Variants in SYTL2 observed in about 807,000 individuals in gnomAD.
SYTL2 encodes the protein synaptotagmin like 2.
A neutral mutation model predicts 198.7 loss-of-function variants in SYTL2; 165 were observed. That is an observed-to-expected ratio of 0.83 (90% confidence interval 0.73 to 0.94). The LOEUF (loss-of-function observed/expected upper bound fraction) is 0.94, where lower values mean the gene tolerates loss of function less well. SYTL2 is among the 40% of genes least tolerant of loss of function. The pLI is 0.00. For synonymous variants in SYTL2, 966 were observed against 917.7 expected (o/e 1.05, Z -0.95); for missense variants, 2,835 against 2,582.8 (o/e 1.10, Z -2.12).
rs1449472692 is a variant in SYTL2, at chr11:85,726,754, G to A, written c.2604C>T (p.Leu868=). ...ATTTATTTGAGGAATAAGAATTGGA[G>A]AGCTGGGATGCTTGATCATCCTCAT... is the stretch of plus-strand genomic sequence containing the variant. ...VLDEDDQASQ[L]SNSYSSNKSK... Residue 868 remains leucine, a synonymous_variant, in exon 8 of 20, where the codon CTC becomes CTT. Coordinates refer to ENST00000359152, the MANE Select transcript of SYTL2 (RefSeq NM_206927.4). The A allele has an allele frequency of 6.5e-7, 1 of 1,536,114 alleles. No individual in the cohort carries two copies. Among genetic ancestry groups the A allele is most frequent in the Admixed American group, 2.0e-5 (1 of 51,000 alleles).
chr11:85,823,911 G>A, the SYTL2 span, among the ~76,000 whole-genome samples: 1 of 152,184 alleles, frequency 6.6e-6, no homozygotes, highest in Non-Finnish European at 1.5e-5. Flanking sequence ...TAGTCAGGTT[G>A]AACTTCCATC....
the SYTL2 span, among the ~76,000 whole-genome samples, chr11:85,848,372 A>G: frequency 1.3e-5 from 2 of 151,910 alleles, no homozygotes; most frequent in South Asian, 2.1e-4. Context: ...TGTGTCCTAT[A>G]TAACACTTGG....
chr11:85,815,047 G>C (rs923467233), upstream of SYTL2, among the ~76,000 whole-genome samples: 3 of 152,066 alleles, frequency 2.0e-5, no homozygotes, highest in African/African-American at 4.8e-5. Context: ...TCTTTCTCTT[G>C]TATTTCTTCT....
In SYTL2 at chr11:85,700,515, C is replaced by A. The variant is rs1169185419; in HGVS notation, c.6268G>T (p.Gly2090Cys). The change falls in exon 17 of 20, where the codon GGT (glycine) becomes TGT (cysteine). Residue 2090 changes from glycine (G) to cysteine (C), a missense_variant and splice_region_variant. By Grantham distance (159) the Gly-to-Cys change is radical. Coordinates refer to ENST00000359152, the MANE Select transcript of SYTL2 (RefSeq NM_206927.4). ...ATCTGAATAGAAAGTCATTACATACCAGGGACTGGCTCTGGGACATACTGG... is the reference window on the plus strand; with the variant it reads ...ATCTGAATAGAAAGTCATTACATACAAGGGACTGGCTCTGGGACATACTGG... ...ALQYVPEPVP[G>C]KKLPTTGEVH... 1 of 1,611,108 alleles carries A rather than the reference C, an allele frequency of 6.2e-7. No individual in the cohort carries two copies. The highest frequency in any genetic ancestry group is 1.7e-5 in the Admixed American group (1 of 59,986).
Position 85,725,356 on chromosome 11 carries a change from G to T in SYTL2, c.4002C>A (p.Pro1334=). ...VASPPQDMLF[P]QDAHLVPQAR... ...CCTGGGGAACAAGATGAGCATCCTG[G>T]GGAAAAAGCATATCTTGGGGAGGGC... is the stretch of plus-strand genomic sequence containing the variant. Residue 1334 remains proline, a synonymous_variant, in exon 8 of 20, where the codon CCC becomes CCA. Coordinates refer to ENST00000359152, the MANE Select transcript of SYTL2 (RefSeq NM_206927.4). 1 of 1,613,804 alleles carries T rather than the reference G, an allele frequency of 6.2e-7. No individual in the cohort carries two copies. Among genetic ancestry groups the T allele is most frequent in the Non-Finnish European group, 8.5e-7 (1 of 1,179,914 alleles).
intron 1 of SYTL2, among the ~76,000 whole-genome samples, chr11:85,790,637 C>T (rs185016618): frequency 9.1e-4 from 138 of 152,336 alleles, no homozygotes; most frequent in African/African-American, 3.2e-3. Flanking sequence ...CTCCCAGTAG[C>T]TTCCCATGAT....
At chr11:85,709,218 A>T (rs2085804763) in intron 14 of SYTL2, 113 bp downstream of exon 14, 3 of 992,200 alleles carry the variant, frequency 3.0e-6, no homozygotes, top group South Asian at 3.2e-5. Context: ...CTTTTCAAAC[A>T]TTCCTCTTAA....
intron 1 of SYTL2, among the ~76,000 whole-genome samples, chr11:85,806,726 T>C (rs1250485844): frequency 6.6e-6 from 1 of 152,236 alleles, no homozygotes; most frequent in East Asian, 1.9e-4. Context: ...CATATCTCAT[T>C]CATCTGGATG....
upstream of SYTL2, among the ~76,000 whole-genome samples, chr11:85,813,639 T>C (rs143117055): frequency 6.4e-4 from 97 of 152,296 alleles, 1 homozygote; most frequent in East Asian, 0.014. Flanking sequence ...CTGGTTGACT[T>C]TGGACAAGTC....
At chr11:85,845,871 G>A in the SYTL2 span, among the ~76,000 whole-genome samples, 5 of 152,110 alleles carry the variant, frequency 3.3e-5, no homozygotes, top group South Asian at 2.1e-4. Context: ...AGCCAAGATC[G>A]TGCCACTGCA....
At chr11:85,742,508 C>T (rs1272522906) in intron 4 of SYTL2, among the ~76,000 whole-genome samples, 1 of 152,188 alleles carries the variant, frequency 6.6e-6, no homozygotes, top group Admixed American at 6.5e-5. Context: ...AATGTGCTAT[C>T]AGCATATGGT....
Position 85,726,452 on chromosome 11 carries a change from T to A in SYTL2, c.2906A>T (p.Asp969Val). Residue 969 changes from aspartate (D) to valine (V), a missense_variant, in exon 8 of 20, where the codon GAT (aspartate) becomes GTT (valine). By Grantham distance (152) the Asp-to-Val change is radical (BLOSUM62 -3). This residue lies in a region of SYTL2 where 2,645 missense variants were observed against 2,381.7 expected (regional missense o/e 1.11). Coordinates refer to ENST00000359152, the MANE Select transcript of SYTL2 (RefSeq NM_206927.4). ...FKVMSLKERM[D>V]EPNAEQVYNP... ...ATAGACCTGTTCTGCATTGGGTTCA[T>A]CCATTCTTTCTTTTAGGGACATAAC... 6.2e-7 allele frequency: 1 copy of A among 1,613,250 alleles called. No individual in the cohort carries two copies. The highest frequency in any genetic ancestry group is 1.1e-5 in the South Asian group (1 of 90,980).
Position 85,696,342 on chromosome 11 carries a change from C to T in SYTL2, c.6415G>A (p.Ala2139Thr), listed in dbSNP as rs1211970857. The T allele has an allele frequency of 6.2e-6, 10 of 1,613,896 alleles. No homozygotes were observed. The African/African-American group carries it at 1.3e-4, about 22-fold the overall frequency. The change falls in exon 19 of 20, where the codon GCT becomes ACT. Residue 2139 changes from alanine to threonine, a missense_variant. By Grantham distance (58) the Ala-to-Thr change is moderately conservative. This residue lies in a region of SYTL2 where 185 missense variants were observed against 182.1 expected (regional missense o/e 1.02). Transcript: ENST00000359152. ...TSRKSRQKTR[A>T]VGKTTNPIFN... ...ATAGGGTTGGTGGTTTTCCCTACAGCTCTTGTCTTCTGGCGACTTTTCCTA... is the reference window on the plus strand; with the variant it reads ...ATAGGGTTGGTGGTTTTCCCTACAGTTCTTGTCTTCTGGCGACTTTTCCTA...
chr11:85,695,431 G>A, intron 19 of SYTL2, 91 bp from the exon 20 acceptor site: 1 of 1,117,924 alleles, frequency 8.9e-7, no homozygotes, highest in Non-Finnish European at 1.2e-6. Flanking sequence ...AACCACCAGT[G>A]GAAGCTAGGA....
the SYTL2 span, among the ~76,000 whole-genome samples, chr11:85,841,672 T>C: frequency 6.6e-6 from 1 of 151,796 alleles, no homozygotes. Flanking sequence ...CCTATCAGAG[T>C]ATGGAGGGTG....
At chr11:85,814,597 T>A (rs1490535439), upstream of SYTL2, among the ~76,000 whole-genome samples, 1 of 152,228 alleles carries the variant, frequency 6.6e-6, no homozygotes, top group Non-Finnish European at 1.5e-5. Flanking sequence ...GAATTGAGTA[T>A]GACCACTCTC....
Position 85,725,832 on chromosome 11 carries a change from C to T in SYTL2, c.3526G>A (p.Asp1176Asn), listed in dbSNP as rs138711024. The change falls in exon 8 of 20, where the codon GAT becomes AAT. Residue 1176 changes from aspartate to asparagine, a missense_variant. Coordinates refer to ENST00000359152, the MANE Select transcript of SYTL2 (RefSeq NM_206927.4). ...ACTTCTTCCTCAGTATCAGCAAAAT[C>T]TGTTTTTTGAGGCCATGTCCTATTT... ...SENRTWPQKT[D>N]FADTEEEVKG... 12 of 1,613,996 alleles carry T rather than the reference C, an allele frequency of 7.4e-6. No homozygotes were observed. Among genetic ancestry groups the T allele is most frequent in the Non-Finnish European group, 1.0e-5 (12 of 1,179,946 alleles).
At chr11:85,804,875 G>A (rs1159558563) in intron 1 of SYTL2, among the ~76,000 whole-genome samples, 3 of 152,142 alleles carry the variant, frequency 2.0e-5, no homozygotes, top group African/African-American at 7.2e-5. Flanking sequence ...AACTTACCTT[G>A]AAGACGTCAT....
chr11:85,701,087 T>C (rs1176357977), intron 16 of SYTL2, among the ~76,000 whole-genome samples: 1 of 152,220 alleles, frequency 6.6e-6, no homozygotes, highest in African/African-American at 2.4e-5. Context: ...TCTGTAAGTA[T>C]AACAAAGACT....
Sources: allele counts gnomAD v4.1 joint callset (sites outside exome capture counted in the v4.1 genomes callset), GRCh38; gene constraint gnomAD v4.1.1; regional missense constraint gnomAD v4.1.1; transcripts MANE v1.5; gene names NCBI Gene and HGNC (gene_info 2026-07-23, HGNC 2026-07-21).